KIT: variants seen among roughly 807,000 people sequenced by gnomAD.
KIT encodes the protein KIT proto-oncogene, receptor tyrosine kinase, also known as mast/stem cell growth factor receptor Kit.
KIT carries 16 observed loss-of-function variants against 105.7 expected under a neutral mutation model. The observed-to-expected ratio is 0.15, with a 90% CI of 0.10 to 0.23. The LOEUF is 0.23. Ranked by LOEUF, KIT falls within the 10% of genes least tolerant of loss-of-function variation. The probability of loss-of-function intolerance (pLI) is 1.00; values close to 1 mark genes in which losing one functional copy is unlikely to be tolerated. For missense variants in KIT, 858 were observed against 1,213.8 expected, an observed-to-expected ratio of 0.71 and a Z score of 4.36; for synonymous variants, 438 against 441.1, an observed-to-expected ratio of 0.99 and a Z score of 0.09.
In KIT at chr4:54,729,573, A is replaced by C. The variant is rs1376285220; in HGVS notation, c.2141+88A>C. The C allele has an allele frequency of 2.9e-5, 37 of 1,276,354 alleles. No individual in the cohort carries two copies. In the Admixed American group the frequency reaches 6.3e-4, roughly 22 times the overall value. 79.1% of individuals were successfully genotyped at this position (1,276,354 alleles called of 1,614,324 possible). ...GCAATCAAGGCTGATTCTTTAAAAA[A>C]TGAACTGAGGTACTCTGAGGTATGA... On this transcript the variant is annotated intron_variant, in intron 14 of 20. Transcript: ENST00000288135.
Position 54,723,489 on chromosome 4 carries a change from C to T in KIT, c.1232-95C>T, listed in dbSNP as rs558446985. On this transcript the variant is annotated intron_variant, in intron 7 of 20. Coordinates refer to ENST00000288135, the MANE Select transcript of KIT (RefSeq NM_000222.3). ...CTTGCTCCCTCAGGCTACTCAGCAG[C>T]CTCAGGAAGGTTGTAGGGATTAGAG... The T allele has an allele frequency of 7.7e-5, 62 of 810,262 alleles. 2 individuals are homozygous for T. Among genetic ancestry groups the T allele is most frequent in the Admixed American group, 5.0e-4 (26 of 51,510 alleles). 50.2% of individuals were successfully genotyped at this position (810,262 alleles called of 1,614,324 possible).
At chr4:54,672,146 G>A (rs1718157789) in intron 1 of KIT, among the ~76,000 whole-genome samples, 1 of 152,216 alleles carries the variant, frequency 6.6e-6, no homozygotes, top group South Asian at 2.1e-4. Flanking sequence ...TGTCCTTTAA[G>A]TCATTTCTTC....
At chr4:54,725,793 A>C in intron 8 of KIT, 64 bp from the exon 9 acceptor site, 3 of 1,409,030 alleles carry the variant, frequency 2.1e-6, no homozygotes, top group Non-Finnish European at 3.0e-6. Flanking sequence ...GCCACATCCC[A>C]AGTGTTTTAT....
In KIT at chr4:54,736,596, G is replaced by A. The variant is rs1060504662; in HGVS notation, c.2583G>A (p.Glu861=). The change falls in exon 18 of 21, where the codon GAG becomes GAA. Residue 861 remains glutamate, a synonymous_variant. Transcript: ENST00000288135. ...DVWSYGIFLW[E]LFSLGSSPYP... ...GGTCCTATGGGATTTTTCTTTGGGA[G>A]CTGTTCTCTTTAGGTAAAATGATCC... 49 of 1,613,256 alleles carry A rather than the reference G, an allele frequency of 3.0e-5. No homozygotes were observed. Among genetic ancestry groups the A allele is most frequent in the Non-Finnish European group, 3.8e-5 (45 of 1,179,308 alleles).
At chr4:54,672,205 T>C (rs1398958807) in intron 1 of KIT, among the ~76,000 whole-genome samples, 1 of 152,216 alleles carries the variant, frequency 6.6e-6, no homozygotes, top group African/African-American at 2.4e-5. Flanking sequence ...AGTTGTCCTG[T>C]GCAGCTTTTC....
intron 1 of KIT, among the ~76,000 whole-genome samples, chr4:54,674,913 A>G (rs1356261759): frequency 6.6e-6 from 1 of 152,178 alleles, no homozygotes; most frequent in Admixed American, 6.5e-5. Context: ...AGAGAGTGCT[A>G]TTTTACAGTT....
Position 54,738,769 on chromosome 4 carries a change from G to C in KIT, c.*212G>C. 1 of 639,080 alleles carries C rather than the reference G, an allele frequency of 1.6e-6. No individual in the cohort carries two copies. The highest frequency in any genetic ancestry group is 1.8e-5 in the South Asian group (1 of 54,682). The allele number at this position is 639,080 out of a possible 1,614,324, so 39.6% of individuals were successfully genotyped here. The stretch of plus-strand genomic sequence containing the variant: ...GTTCCAACTGTATATATTCCCAATA[G>C]CAACGTAGCTTCTACCATGAACAGA... On this transcript the variant is annotated 3_prime_UTR_variant, in exon 21 of 21. Transcript: ENST00000288135.
At position 54,707,123 on chromosome 4, in the gene KIT, C is replaced by T. The variant is rs770676368; in HGVS notation, c.951C>T (p.Pro317=). Residue 317 remains proline, a synonymous_variant, in exon 6 of 21, where the codon CCC becomes CCT. Transcript: ENST00000288135. ...ATAAAGGATTCATTAATATCTTCCC[C>T]ATGATAAACACTACAGTATTTGTAA... ...VVDKGFINIF[P]MINTTVFVND... The T allele has an allele frequency of 1.3e-6, 2 of 1,556,246 alleles. No homozygotes were observed. The highest frequency in any genetic ancestry group is 1.8e-6 in the Non-Finnish European group (2 of 1,128,038).
In KIT at chr4:54,698,306, T is replaced by C; in HGVS notation, c.360T>C (p.Val120=). ...TAGATCCTGCCAAGCTTTTCCTTGTTGACCGCTCCTTGTATGGGAAAGAAG... is the reference window on the plus strand; with the variant it reads ...TAGATCCTGCCAAGCTTTTCCTTGTCGACCGCTCCTTGTATGGGAAAGAAG... The part of the protein sequence containing the change: ...FVRDPAKLFL[V]DRSLYGKEDN... The change falls in exon 3 of 21, where the codon GTT becomes GTC. Residue 120 remains valine (V), a synonymous_variant. Transcript: ENST00000288135. 6.2e-7 allele frequency: 1 copy of C among 1,614,000 alleles called. No homozygotes were observed. The highest frequency in any genetic ancestry group is 8.5e-7 in the Non-Finnish European group (1 of 1,179,956).
intron 1 of KIT, among the ~76,000 whole-genome samples, chr4:54,670,192 C>T (rs938690452): frequency 3.9e-5 from 6 of 152,126 alleles, no homozygotes; most frequent in African/African-American, 9.7e-5. Flanking sequence ...TGGAATGTGC[C>T]GGAATGCTCT....
At chr4:54,674,963 A>T (rs547680082) in intron 1 of KIT, among the ~76,000 whole-genome samples, 1 of 152,228 alleles carries the variant, frequency 6.6e-6, no homozygotes, top group Non-Finnish European at 1.5e-5. Context: ...ATATCATCTA[A>T]TAAAGATAAC....
At chr4:54,697,283 A>T (rs571406023) in intron 2 of KIT, among the ~76,000 whole-genome samples, 1 of 152,280 alleles carries the variant, frequency 6.6e-6, no homozygotes, top group African/African-American at 2.4e-5. Context: ...TTTTTTTTCA[A>T]AATTGATCAA....
chr4:54,681,261 T>C (rs970083893), intron 1 of KIT, among the ~76,000 whole-genome samples: 2 of 151,760 alleles, frequency 1.3e-5, no homozygotes, highest in Non-Finnish European at 2.9e-5. Context: ...AATCTACATA[T>C]TTACGGCAGC....
rs753006874 is a variant in KIT at position 54,732,123 on chromosome 4, T to G, written c.2361+125T>G. Reference sequence around the variant, plus strand: ...TAAAATGCAGAATGTCATTTTGAAGTGTGGTAACCAAAAGCAGAGGAAATT... The same window carrying G: ...TAAAATGCAGAATGTCATTTTGAAGGGTGGTAACCAAAAGCAGAGGAAATT... On this transcript the variant is annotated intron_variant, in intron 16 of 20. Transcript: ENST00000288135. The G allele has an allele frequency of 6.3e-6, 7 of 1,103,536 alleles. No homozygotes were observed. The African/African-American group carries it at 1.1e-4, about 18-fold the overall frequency. 68.4% of individuals were successfully genotyped at this position (1,103,536 alleles called of 1,614,324 possible). A position where few individuals can be genotyped will look rare whatever the true frequency, so the allele number is the denominator to read the frequency against.
In KIT at chr4:54,679,106, CTGTGAGCTGCTCACT is replaced by C. The variant is rs1718722394; in HGVS notation, c.68-16398_68-16384del. 2.6e-5 allele frequency among the ~76,000 whole-genome samples: 4 copies of C among 152,222 alleles called. No individual in the cohort carries two copies. In the South Asian group the frequency reaches 8.3e-4, roughly 32 times the overall value. On this transcript the variant is annotated intron_variant, in intron 1 of 20. Coordinates refer to ENST00000288135, the MANE Select transcript of KIT (RefSeq NM_000222.3). ...GAGGGCCCTGCTCCAAGGAGTGACA[CTGTGAGCTGCTCACT>C]TGTGAGCCCTTTAAATTAAACTCAT...
chr4:54,682,185 G>A (rs1056175373), intron 1 of KIT, among the ~76,000 whole-genome samples: 1 of 150,782 alleles, frequency 6.6e-6, no homozygotes, highest in Admixed American at 6.6e-5. Context: ...AACTTCCTGG[G>A]CTCAAGCGAT....
intron 1 of KIT, among the ~76,000 whole-genome samples, chr4:54,660,867 C>T (rs1333508288): frequency 6.6e-6 from 1 of 152,098 alleles, no homozygotes; most frequent in Admixed American, 6.5e-5. Flanking sequence ...TTACTATGTG[C>T]CAGGGATTGT....
chr4:54,736,437 C>T (rs1722926145), intron 17 of KIT, 61 bp from the exon 18 acceptor site: 1 of 1,202,926 alleles, frequency 8.3e-7, no homozygotes, highest in Non-Finnish European at 1.2e-6. Flanking sequence ...AGAATATCTT[C>T]TGTTCAATTT....
rs2109661187 is a variant in KIT at position 54,695,606 on chromosome 4, T to C, written c.162T>C (p.Ile54=). 6.2e-7 allele frequency: 1 copy of C among 1,614,188 alleles called. No homozygotes were observed. The highest frequency in any genetic ancestry group is 8.5e-7 in the Non-Finnish European group (1 of 1,180,034). Reference sequence around the variant, plus strand: ...TAATAGTCCGCGTGGGCGACGAGATTAGGCTGTTATGCACTGATCCGGGCT... The same window carrying C: ...TAATAGTCCGCGTGGGCGACGAGATCAGGCTGTTATGCACTGATCCGGGCT... ...SDLIVRVGDE[I]RLLCTDPGFV... Residue 54 remains isoleucine, a synonymous_variant, in exon 2 of 21, where the codon ATT becomes ATC. Transcript: ENST00000288135.
Sources: gnomAD v4.1 joint callset for allele counts (sites outside exome capture counted in the v4.1 genomes callset) on GRCh38, gnomAD v4.1.1 for gene constraint, MANE v1.5 for transcripts, NCBI Gene and HGNC (gene_info 2026-07-23, HGNC 2026-07-21) for gene names.